TTN: variants seen among roughly 807,000 people sequenced by gnomAD.
TTN encodes connectin.
A neutral mutation model predicts 3,223.0 loss-of-function variants in TTN; 1,525 were observed. The ratio of observed to expected loss-of-function variants is 0.47; its 90% confidence interval spans 0.45 to 0.49. The LOEUF is 0.49. TTN is among the 20% of genes least tolerant of loss of function. The pLI, the probability that TTN is intolerant of heterozygous loss-of-function variation, is 0.00. For missense variants in TTN, 40,786 were observed against 43,424.0 expected (o/e 0.94, Z 5.40); for synonymous variants, 14,094 against 15,161.0 (o/e 0.93, Z 5.17).
chr2:178,649,602 C>G lies in TTN; in HGVS notation c.39925G>C (p.Val13309Leu). 1.9e-6 allele frequency: 3 copies of G among 1,550,192 alleles called. No homozygotes were observed. The highest frequency in any genetic ancestry group is 2.6e-6 in the Non-Finnish European group (3 of 1,146,614). The change falls in exon 212 of 363, where the codon GTG becomes CTG. Residue 13309 changes from valine (V) to leucine (L), a missense_variant. By Grantham distance (32) the Val-to-Leu change is conservative. Transcript: ENST00000589042. Reference protein sequence around the residue: ...EPEMPKKVVPVKKVPTVKKPE... With the variant: ...EPEMPKKVVPLKKVPTVKKPE... ...TTCTTAACAGTTGGGACCTTCTTCA[C>G]TGGAACAACTTTCTTTGGCATCTCA...
chr2:178,570,811 A>G lies in TTN; in HGVS notation c.75321T>C (p.Asp25107=), dbSNP rs1416143587. 2 of 1,613,534 alleles carry G rather than the reference A, an allele frequency of 1.2e-6. No individual in the cohort carries two copies. Among genetic ancestry groups the G allele is most frequent in the Non-Finnish European group, 1.7e-6 (2 of 1,179,616 alleles). The change falls in exon 326 of 363, where the codon GAT becomes GAC. Residue 25107 remains aspartate, a synonymous_variant. Coordinates refer to ENST00000589042, the MANE Select transcript of TTN (RefSeq NM_001267550.2). ...TTGGATCCATACTTATTCGTGGTGG[A>G]TCTACCTCATCTCTAGCTGTTATTG... is the stretch of plus-strand genomic sequence containing the variant. ...TGAITARDEV[D]PPRISMDPKY...
Position 178,621,522 on chromosome 2 carries a change from T to G in TTN, c.45302A>C (p.Asn15101Thr). ...GGTTCGAGAGCTTGGGAGTCGACAG[T>G]TGTAGTTGCCAGCATCCTCAAGGTG... Reference protein sequence around the residue: ...NAHLEDAGNYNCRLPSSRTDG... With the variant: ...NAHLEDAGNYTCRLPSSRTDG... The change falls in exon 245 of 363, where the codon AAC (asparagine) becomes ACC (threonine). Residue 15101 changes from asparagine to threonine, a missense_variant. Coordinates refer to ENST00000589042, the MANE Select transcript of TTN (RefSeq NM_001267550.2). The G allele has an allele frequency of 6.2e-7, 1 of 1,612,454 alleles. No individual in the cohort carries two copies. Among genetic ancestry groups the G allele is most frequent in the Non-Finnish European group, 8.5e-7 (1 of 1,179,068 alleles).
At position 178,532,642 on chromosome 2, in the gene TTN, A is replaced by G. The variant is rs1689681272; in HGVS notation, c.103973T>C (p.Ile34658Thr). The G allele has an allele frequency of 6.2e-7, 1 of 1,613,938 alleles. No homozygotes were observed. Among genetic ancestry groups the G allele is most frequent in the Non-Finnish European group, 8.5e-7 (1 of 1,179,860 alleles). Reference protein sequence around the residue: ...YRPRRRSLGDISDEELLLPID... With the variant: ...YRPRRRSLGDTSDEELLLPID... Reference sequence around the variant, plus strand: ...GGGGAGGAGTAATTCTTCATCAGAGATGTCCCCAAGAGAACGTCTTCTAGG... The same window carrying G: ...GGGGAGGAGTAATTCTTCATCAGAGGTGTCCCCAAGAGAACGTCTTCTAGG... The change falls in exon 358 of 363, where the codon ATC (isoleucine) becomes ACC (threonine). Residue 34658 changes from isoleucine to threonine, a missense_variant. Transcript: ENST00000589042.
Position 178,672,707 on chromosome 2 carries a change from T to A in TTN, c.34787-4A>T. On this transcript the variant is annotated splice_polypyrimidine_tract_variant and splice_region_variant and intron_variant, in intron 152 of 362. Transcript: ENST00000589042. Reference sequence around the variant, plus strand: ...TCCTCAGGAATTTTCTTTGACACTTTAAAGATATTAGGTGTTTTAGTTAGC... The same window carrying A: ...TCCTCAGGAATTTTCTTTGACACTTAAAAGATATTAGGTGTTTTAGTTAGC... 3 of 1,595,894 alleles carry A rather than the reference T, an allele frequency of 1.9e-6. No individual in the cohort carries two copies. The highest frequency in any genetic ancestry group is 2.6e-6 in the Non-Finnish European group (3 of 1,169,688).
Position 178,677,143 on chromosome 2 carries a change from A to G in TTN, c.34378+58T>C, listed in dbSNP as rs990216072. 166 of 1,130,132 alleles carry G rather than the reference A, an allele frequency of 1.5e-4. No homozygotes were observed. In the East Asian group the frequency reaches 5.8e-3, roughly 39 times the overall value. The allele number at this position is 1,130,132 out of a possible 1,614,324, so 70.0% of individuals were successfully genotyped here. On this transcript the variant is annotated intron_variant, in intron 147 of 362. Transcript: ENST00000589042. ...AATTTTCCTAAAACCCAGTTTCATC[A>G]TAATTTATGTGACCAAGCTATGGGT...
At chr2:178,794,298 A>G in intron 8 of TTN, 101 bp downstream of exon 8, 1 of 1,543,582 alleles carries the variant, frequency 6.5e-7, no homozygotes, top group East Asian at 2.2e-5. Context: ...CTTCAGAATG[A>G]ATTGAGCACA....
Position 178,553,772 on chromosome 2 carries a change from C to G in TTN, c.89233G>C (p.Asp29745His). 1 of 1,606,196 alleles carries G rather than the reference C, an allele frequency of 6.2e-7. No individual in the cohort carries two copies. The highest frequency in any genetic ancestry group is 8.5e-7 in the Non-Finnish European group (1 of 1,175,132). The change falls in exon 334 of 363, where the codon GAT (aspartate) becomes CAT (histidine). Residue 29745 changes from aspartate (D) to histidine (H), a missense_variant. Physicochemically the swap from Asp to His is moderately conservative, Grantham distance 81. Transcript: ENST00000589042. ...AGGGTGATGGATGACTTGGTTGAAT[C>G]TGCGATTCTTATCTTAGCAGGTGGA... ...PGPPAKIRIADSTKSSITLGW... is the reference protein window; with the variant it reads ...PGPPAKIRIAHSTKSSITLGW...
In TTN at chr2:178,601,342, C is replaced by T. The variant is rs201774108; in HGVS notation, c.55655G>A (p.Arg18552His). ...ACCAAAACGGTTTTCTGCTCGCACA[C>T]GGAAGAAATATTGCTGTTCAGAGAG... ...DLLSEQQYFFRVRAENRFGIG... is the reference protein window; with the variant it reads ...DLLSEQQYFFHVRAENRFGIG... The change falls in exon 287 of 363, where the codon CGT (arginine) becomes CAT (histidine). Residue 18552 changes from arginine (R) to histidine (H), a missense_variant. Transcript: ENST00000589042. 1.3e-4 allele frequency: 211 copies of T among 1,610,686 alleles called. No individual in the cohort carries two copies. The highest frequency in any genetic ancestry group is 2.2e-4 in the Admixed American group (13 of 59,742).
Position 178,702,545 on chromosome 2 carries a change from T to G in TTN, c.30342A>C (p.Pro10114=). 1 of 1,613,998 alleles carries G rather than the reference T, an allele frequency of 6.2e-7. No homozygotes were observed. The highest frequency in any genetic ancestry group is 1.3e-5 in the African/African-American group (1 of 75,046). The change falls in exon 107 of 363, where the codon CCA becomes CCC. Residue 10114 remains proline (P), a synonymous_variant. Coordinates refer to ENST00000589042, the MANE Select transcript of TTN (RefSeq NM_001267550.2). ...ATTTCTGGCTCTCTGTCAGTTCTGTTGGTCCTTTGTACCATGTTACAATGG... is the reference window on the plus strand; with the variant it reads ...ATTTCTGGCTCTCTGTCAGTTCTGTGGGTCCTTTGTACCATGTTACAATGG... ...DDAIVTWYKG[P]TELTESQKYN...
Position 178,727,188 on chromosome 2 carries a change from T to C in TTN, c.20177A>G (p.Gln6726Arg), listed in dbSNP as rs1159916010. 6.2e-7 allele frequency: 1 copy of C among 1,613,174 alleles called. No homozygotes were observed. The highest frequency in any genetic ancestry group is 1.3e-5 in the African/African-American group (1 of 74,876). ...MTFIDSVAVIQMNNLSTEDSG... is the reference protein window; with the variant it reads ...MTFIDSVAVIRMNNLSTEDSG... ...GTCCTCAGTACTGAGATTGTTCATC[T>C]GTATGACGGCCACTGAGTCAATGAA... Residue 6726 changes from glutamine (Q) to arginine (R), a missense_variant, in exon 69 of 363, where the codon CAG becomes CGG. Coordinates refer to ENST00000589042, the MANE Select transcript of TTN (RefSeq NM_001267550.2).
At chr2:178,672,796 TAA>T in intron 152 of TTN, 93 bp from the exon 153 acceptor site, 2 of 1,100,714 alleles carry the variant, frequency 1.8e-6, no homozygotes, top group South Asian at 3.2e-5. Flanking sequence ...TTACAATAAT[TAA>T]AGTTTTTCAG....
intron 12 of TTN, 119 bp from the exon 13 acceptor site, chr2:178,789,616 G>T: frequency 7.5e-7 from 1 of 1,337,514 alleles, no homozygotes; most frequent in Non-Finnish European, 1.0e-6. Context: ...ATACACAAGA[G>T]AAATAAACTT....
In TTN at chr2:178,807,322, G is replaced by A. The variant is rs959361014; in HGVS notation, c.-124C>T. 6.6e-6 allele frequency: 1 copy of A among 152,116 alleles called. No homozygotes were observed. The highest frequency in any genetic ancestry group is 2.4e-5 in the African/African-American group (1 of 41,418). 9.4% of individuals were successfully genotyped at this position (152,116 alleles called of 1,614,324 possible). A position where few individuals can be genotyped will look rare whatever the true frequency, so the allele number is the denominator to read the frequency against. On this transcript the variant is annotated 5_prime_UTR_variant, in exon 1 of 363. Transcript: ENST00000589042. ...GACCATCTCCGACATGAATCGGTGA[G>A]CCTCTAATCCTAAAAACAAAACTAC...
Position 178,566,344 on chromosome 2 carries a change from G to A in TTN, c.79788C>T (p.Ser26596=), listed in dbSNP as rs777989882. The part of the protein sequence containing the change: ...KLEAPELDLD[S]ELRKGIVVRA... ...TTACAACAATTCCTTTTCTTAATTC[G>A]GAGTCAAGGTCAAGTTCAGGTGCTT... Residue 26596 remains serine, a synonymous_variant, in exon 326 of 363, where the codon TCC becomes TCT. Coordinates refer to ENST00000589042, the MANE Select transcript of TTN (RefSeq NM_001267550.2). 57 of 1,613,282 alleles carry A rather than the reference G, an allele frequency of 3.5e-5. No homozygotes were observed. The highest frequency in any genetic ancestry group is 1.1e-4 in the East Asian group (5 of 44,850).
chr2:178,713,757 G>A (rs1299439184), intron 92 of TTN, 140 bp downstream of exon 92: 3 of 1,070,238 alleles, frequency 2.8e-6, no homozygotes, highest in Admixed American at 5.7e-5. Context: ...TCTACAGATG[G>A]TATTGCCTCT....
intron 217 of TTN, 88 bp from the exon 218 acceptor site, chr2:178,644,704 C>T: frequency 9.6e-7 from 1 of 1,037,956 alleles, no homozygotes; most frequent in Non-Finnish European, 1.4e-6. Context: ...CAAAACCAAG[C>T]TTTGCTTATA....
At chr2:178,745,773 G>A (rs2083388352) in intron 47 of TTN, 1 of 1,613,072 alleles carries the variant, frequency 6.2e-7, no homozygotes, top group Non-Finnish European at 8.5e-7. Flanking sequence ...TAAACCGTGG[G>A]TCTTGGAGAG....
chr2:178,796,465 C>T (rs572506915), intron 6 of TTN, among the ~76,000 whole-genome samples: 14 of 152,158 alleles, frequency 9.2e-5, no homozygotes, highest in African/African-American at 2.2e-4. Flanking sequence ...ACCAGTTTCA[C>T]GAAGAAATGT....
In TTN at chr2:178,618,799, G is replaced by A. The variant is rs1170371957; in HGVS notation, c.46751C>T (p.Pro15584Leu). The change falls in exon 251 of 363, where the codon CCT becomes CTT. Residue 15584 changes from proline (P) to leucine (L), a missense_variant. By Grantham distance (98) the Pro-to-Leu change is moderately conservative. Coordinates refer to ENST00000589042, the MANE Select transcript of TTN (RefSeq NM_001267550.2). ...ATCATATGGCACCACCATTGTCAGA[G>A]GCTTGCCAACATCAACCACAAGGTC... ...DQDLVVDVGK[P>L]LTMVVPYDAY... 6 of 1,611,032 alleles carry A rather than the reference G, an allele frequency of 3.7e-6. No homozygotes were observed. The highest frequency in any genetic ancestry group is 1.3e-5 in the African/African-American group (1 of 74,760).
Sources: allele counts gnomAD v4.1 joint callset (sites outside exome capture counted in the v4.1 genomes callset), GRCh38; gene constraint gnomAD v4.1.1; transcripts MANE v1.5; gene names NCBI Gene and HGNC (gene_info 2026-07-23, HGNC 2026-07-21).